Variants in TTC39B observed in about 807,000 individuals in gnomAD.
TTC39B encodes the protein tetratricopeptide repeat domain 39B.
Under a neutral mutation model 96.6 loss-of-function variants are expected in TTC39B, and 92 were observed. The ratio of observed to expected loss-of-function variants is 0.95; its 90% CI spans 0.80 to 1.13. The LOEUF (loss-of-function observed/expected upper bound fraction) is 1.13. TTC39B is among the 50% of genes most tolerant of loss of function. The pLI is 0.00. For synonymous variants in TTC39B, 367 were observed against 299.4 expected (o/e 1.23, Z -2.33); for missense variants, 955 against 809.3 (o/e 1.18, Z -2.18).
exon 20 of TTC39B, chr9:15,169,934 A>G (rs1381507434): frequency 6.6e-6 from 1 of 152,180 alleles, no homozygotes; most frequent in Admixed American, 6.5e-5. Context: ...TTCTCACAGT[A>G]ACAATGTAAG....
intron 2 of TTC39B, among the ~76,000 whole-genome samples, chr9:15,227,336 C>A (rs1821178805): frequency 1.3e-5 from 2 of 151,764 alleles, no homozygotes; most frequent in South Asian, 4.2e-4. Flanking sequence ...GCAGTGTCCT[C>A]AATTAAGTGG....
intron 2 of TTC39B, among the ~76,000 whole-genome samples, chr9:15,238,682 G>A (rs536967622): frequency 2.0e-5 from 3 of 152,116 alleles, no homozygotes; most frequent in Admixed American, 2.0e-4. Flanking sequence ...GGAAGAATCA[G>A]TATCATTAAA....
At chr9:15,222,258 T>C (rs1170088303) in intron 3 of TTC39B, among the ~76,000 whole-genome samples, 1 of 152,238 alleles carries the variant, frequency 6.6e-6, no homozygotes, top group Non-Finnish European at 1.5e-5. Flanking sequence ...CTGGGAAATC[T>C]GTCCTGCATT....
At chr9:15,189,467 A>T in intron 13 of TTC39B, 107 bp downstream of exon 13, 1 of 1,140,606 alleles carries the variant, frequency 8.8e-7, no homozygotes, top group Non-Finnish European at 1.3e-6. Flanking sequence ...ATTTTTGTCT[A>T]GTCCATATAG....
intron 2 of TTC39B, among the ~76,000 whole-genome samples, chr9:15,262,936 T>C (rs528149608): frequency 1.0e-3 from 152 of 152,342 alleles, no homozygotes; most frequent in Admixed American, 1.8e-3. Flanking sequence ...AAAGGGAATG[T>C]TATAGTATCA....
chr9:15,242,573 A>G lies in TTC39B; in HGVS notation c.276-16561T>C, dbSNP rs184273515. Among the ~76,000 whole-genome samples, 7 of 152,234 alleles carry G rather than the reference A, an allele frequency of 4.6e-5. No individual in the cohort carries two copies. In the East Asian group the frequency reaches 1.4e-3, roughly 29 times the overall value. Reference sequence around the variant, plus strand: ...ACTCCAACCTGGGTGACAGAGCAAGACCCTATCTCAAAAAGAAAGAAAGAA... The same window carrying G: ...ACTCCAACCTGGGTGACAGAGCAAGGCCCTATCTCAAAAAGAAAGAAAGAA... On this transcript the variant is annotated intron_variant, in intron 2 of 19. Transcript: ENST00000512701.
chr9:15,214,702 C>T (rs898126993), intron 3 of TTC39B, among the ~76,000 whole-genome samples: 1 of 152,104 alleles, frequency 6.6e-6, no homozygotes, highest in Non-Finnish European at 1.5e-5. Flanking sequence ...TTGATTTCTC[C>T]TTTGAACCTG....
chr9:15,234,736 C>T (rs898019454), intron 2 of TTC39B, among the ~76,000 whole-genome samples: 1 of 151,676 alleles, frequency 6.6e-6, no homozygotes, highest in Non-Finnish European at 1.5e-5. Context: ...TTACCCCCAA[C>T]CCTGTGCTCT....
chr9:15,266,742 G>T (rs948904089), intron 2 of TTC39B, among the ~76,000 whole-genome samples: 1 of 152,102 alleles, frequency 6.6e-6, no homozygotes. Context: ...TTTAAATGAG[G>T]TCAGGAGAGT....
chr9:15,284,447 C>T (rs1430687478), intron 1 of TTC39B, among the ~76,000 whole-genome samples: 2 of 151,860 alleles, frequency 1.3e-5, no homozygotes, highest in Non-Finnish European at 2.9e-5. Flanking sequence ...CACTGTGCTG[C>T]GAAAGAAATT....
chr9:15,275,378 C>G (rs1221983076), intron 1 of TTC39B, among the ~76,000 whole-genome samples: 1 of 152,082 alleles, frequency 6.6e-6, no homozygotes, highest in Admixed American at 6.6e-5. Flanking sequence ...TTTCTCTAGG[C>G]CTTAGGGTTG....
At chr9:15,224,302 G>A (rs893482705) in intron 3 of TTC39B, 3 of 152,424 alleles carry the variant, frequency 2.0e-5, no homozygotes, top group African/African-American at 7.2e-5. Context: ...AGACCTCTTT[G>A]CCACACCTGG....
intron 16 of TTC39B, among the ~76,000 whole-genome samples, chr9:15,183,850 G>T (rs1224336300): frequency 6.6e-6 from 1 of 152,182 alleles, no homozygotes; most frequent in African/African-American, 2.4e-5. Context: ...CACGATTACA[G>T]AGTGGTCATA....
intron 19 of TTC39B, among the ~76,000 whole-genome samples, chr9:15,173,845 A>C (rs1453311334): frequency 1.3e-5 from 2 of 152,146 alleles, no homozygotes; most frequent in Non-Finnish European, 2.9e-5. Flanking sequence ...TAGCCATCTT[A>C]AAGAATCATG....
chr9:15,176,771 G>C (rs1218247893), intron 18 of TTC39B, among the ~76,000 whole-genome samples: 2 of 152,122 alleles, frequency 1.3e-5, no homozygotes. Flanking sequence ...CTGACCTATA[G>C]AGCCTACCAA....
At chr9:15,190,345 GT>G (rs112574702) in intron 11 of TTC39B, among the ~76,000 whole-genome samples, 3,684 of 151,468 alleles carry the variant, frequency 0.024, 160 homozygotes, top group African/African-American at 0.085. Context: ...GTCTTGTTTT[GT>G]TTTTTTTAAT....
At position 15,305,982 on chromosome 9, in the gene TTC39B, A is replaced by G. The variant is rs188516018; in HGVS notation, c.240+1102T>C. On this transcript the variant is annotated intron_variant, in intron 1 of 19. Coordinates refer to ENST00000512701, the Ensembl canonical transcript of TTC39B. ...TTGCCCTCTTGTCTCTCTGTCATGCAGAGGAGCTGTAGTTCAGTTTTTGTT... is the reference window on the plus strand; with the variant it reads ...TTGCCCTCTTGTCTCTCTGTCATGCGGAGGAGCTGTAGTTCAGTTTTTGTT... Among the ~76,000 whole-genome samples the G allele has an allele frequency of 2.0e-4, 31 of 152,216 alleles. No homozygotes were observed. The East Asian group carries it at 2.9e-3, about 14-fold the overall frequency.
intron 1 of TTC39B, among the ~76,000 whole-genome samples, chr9:15,271,952 C>G (rs954428865): frequency 6.6e-6 from 1 of 152,154 alleles, no homozygotes; most frequent in Non-Finnish European, 1.5e-5. Context: ...TCCCTGGGTA[C>G]CAGCAAATAC....
At chr9:15,253,608 C>T (rs919605066) in intron 2 of TTC39B, among the ~76,000 whole-genome samples, 2 of 152,218 alleles carry the variant, frequency 1.3e-5, no homozygotes, top group African/African-American at 4.8e-5. Flanking sequence ...AATGTAGCAG[C>T]CTGACGGACC....
Sources: gnomAD v4.1 joint callset for allele counts (sites outside exome capture counted in the v4.1 genomes callset) on GRCh38, gnomAD v4.1.1 for gene constraint, MANE v1.5 for transcripts, NCBI Gene and HGNC (gene_info 2026-07-23, HGNC 2026-07-21) for gene names.